Variants in ZNF704 observed in about 807,000 individuals in gnomAD.
ZNF704 encodes the protein glucocorticoid induced gene 1.
ZNF704 carries 10 observed loss-of-function variants against 44.7 expected under a neutral mutation model. The observed-to-expected ratio is 0.22, with a 90% CI of 0.14 to 0.38. The LOEUF (loss-of-function observed/expected upper bound fraction) is 0.38, where lower values mean the gene tolerates loss of function less well. Ranked by LOEUF, ZNF704 falls within the 10% of genes least tolerant of loss-of-function variation. The pLI is 1.00. For missense variants in ZNF704, 390 were observed against 545.5 expected, an observed-to-expected ratio of 0.71 and a Z score of 2.84; for synonymous variants, 211 against 207.6, an observed-to-expected ratio of 1.02 and a Z score of -0.14.
At chr8:80,814,680 A>G (rs1336744957) in intron 2 of ZNF704, among the ~76,000 whole-genome samples, 1 of 152,214 alleles carries the variant, frequency 6.6e-6, no homozygotes, top group Non-Finnish European at 1.5e-5. Flanking sequence ...ATTTTTTAAA[A>G]AGAAATGTTC....
chr8:80,725,805 G>A (rs1806469482), intron 2 of ZNF704, among the ~76,000 whole-genome samples: 1 of 152,192 alleles, frequency 6.6e-6, no homozygotes, highest in Non-Finnish European at 1.5e-5. Context: ...GCCATACAGA[G>A]CTTGCCCTTA....
chr8:80,825,069 T>A (rs1808348198), intron 1 of ZNF704, among the ~76,000 whole-genome samples: 1 of 152,078 alleles, frequency 6.6e-6, no homozygotes, highest in African/African-American at 2.4e-5. Flanking sequence ...AATTCACACA[T>A]AACAATATTA....
chr8:80,810,074 T>G (rs980440394), intron 2 of ZNF704, among the ~76,000 whole-genome samples: 1 of 152,212 alleles, frequency 6.6e-6, no homozygotes, highest in Non-Finnish European at 1.5e-5. Flanking sequence ...CAATTACTTC[T>G]TTCAGATTTC....
At chr8:80,742,555 T>G (rs549941902) in intron 2 of ZNF704, among the ~76,000 whole-genome samples, 132 of 152,160 alleles carry the variant, frequency 8.7e-4, no homozygotes, top group African/African-American at 1.7e-3. Flanking sequence ...CACTGCAGGG[T>G]ATTATTTGAA....
At chr8:80,813,047 T>G (rs1255073846) in intron 2 of ZNF704, among the ~76,000 whole-genome samples, 1 of 152,214 alleles carries the variant, frequency 6.6e-6, no homozygotes, top group African/African-American at 2.4e-5. Flanking sequence ...GGCACGGGCA[T>G]CACAAAAGTG....
intron 2 of ZNF704, among the ~76,000 whole-genome samples, chr8:80,760,640 G>A (rs1807113414): frequency 1.5e-5 from 2 of 136,982 alleles, no homozygotes; most frequent in Non-Finnish European, 3.0e-5. Context: ...TGGTGACAGA[G>A]CGAGACTCCA....
the ZNF704 span, among the ~76,000 whole-genome samples, chr8:80,882,447 C>A: frequency 6.6e-6 from 1 of 152,046 alleles, no homozygotes; most frequent in Non-Finnish European, 1.5e-5. Flanking sequence ...TTGCCCATAA[C>A]CCTGATAGAA....
chr8:80,657,984 T>C (rs1292520902), intron 7 of ZNF704, among the ~76,000 whole-genome samples: 1 of 152,068 alleles, frequency 6.6e-6, no homozygotes, highest in African/African-American at 2.4e-5. Flanking sequence ...ACGAGTGATA[T>C]AAGGTATCCT....
chr8:80,767,728 C>T (rs1481862343), intron 2 of ZNF704, among the ~76,000 whole-genome samples: 2 of 152,136 alleles, frequency 1.3e-5, no homozygotes, highest in Admixed American at 6.5e-5. Flanking sequence ...TTAATCAATA[C>T]CCCAGGTGTT....
chr8:80,747,471 G>T (rs1439780978), intron 2 of ZNF704, among the ~76,000 whole-genome samples: 1 of 152,148 alleles, frequency 6.6e-6, no homozygotes, highest in Non-Finnish European at 1.5e-5. Context: ...TCTGAAAAAT[G>T]GAAGTAGGGA....
intron 4 of ZNF704, among the ~76,000 whole-genome samples, chr8:80,681,134 G>C (rs946877115): frequency 6.6e-6 from 1 of 152,108 alleles, no homozygotes; most frequent in Admixed American, 6.6e-5. Context: ...GGGCATTTGG[G>C]TTGTTTCCAG....
rs767751018 is a variant in ZNF704, at chr8:80,641,472, G to A, written c.1133C>T (p.Pro378Leu). The change falls in exon 9 of 9, where the codon CCC becomes CTC. Residue 378 changes from proline (P) to leucine (L), a missense_variant. Coordinates refer to ENST00000327835, the MANE Select transcript of ZNF704 (RefSeq NM_001033723.3). Reference protein sequence around the residue: ...PPRGTVSLRKPRGEGKKCRKV... With the variant: ...PPRGTVSLRKLRGEGKKCRKV... Reference sequence around the variant, plus strand: ...CCGACACTTTTTGCCCTCTCCCCTGGGCTTCCTGTAAGACAGACGAGGAAG... The same window carrying A: ...CCGACACTTTTTGCCCTCTCCCCTGAGCTTCCTGTAAGACAGACGAGGAAG... 2 of 1,611,454 alleles carry A rather than the reference G, an allele frequency of 1.2e-6. No individual in the cohort carries two copies. Among genetic ancestry groups the A allele is most frequent in the African/African-American group, 2.7e-5 (2 of 74,756 alleles).
At chr8:80,699,827 C>T (rs1337519662) in intron 2 of ZNF704, among the ~76,000 whole-genome samples, 1 of 149,746 alleles carries the variant, frequency 6.7e-6, no homozygotes, top group African/African-American at 2.5e-5. Flanking sequence ...TCTACAACTT[C>T]TCTCCCCACC....
At position 80,848,864 on chromosome 8, in the gene ZNF704, A is replaced by G. The variant is rs1020841167; in HGVS notation, c.-22+25707T>C. Among the ~76,000 whole-genome samples, 5 of 152,330 alleles carry G rather than the reference A, an allele frequency of 3.3e-5. No individual in the cohort carries two copies. In the East Asian group the frequency reaches 9.6e-4, roughly 29 times the overall value. On this transcript the variant is annotated intron_variant, in intron 1 of 8. Coordinates refer to ENST00000327835, the MANE Select transcript of ZNF704 (RefSeq NM_001033723.3). ...ACCCCCTTTTACAGGTAAATCAATA[A>G]AGGCACAAGCAGTAAAAGAACTTGC...
Position 80,861,991 on chromosome 8 carries a change from C to CTTTTTTTTTTTTTTTTT in ZNF704, c.-22+12563_-22+12579dup, listed in dbSNP as rs71266093. ...GTTGAACAAGATAGAAAAAAATAAC[C>CTTTTTTTTTTTTTTTTT]TTTTTTTTTTTTTTTTTTTTTTTTT... is the stretch of plus-strand genomic sequence containing the variant. On this transcript the variant is annotated intron_variant, in intron 1 of 8. Transcript: ENST00000327835. 4.3e-5 allele frequency among the ~76,000 whole-genome samples: 4 copies of CTTTTTTTTTTTTTTTTT among 92,996 alleles called. 1 individual carries two copies. The highest frequency in any genetic ancestry group is 2.2e-4 in the African/African-American group (4 of 18,556). 61.0% of individuals were successfully genotyped at this position (92,996 alleles called of 152,430 possible).
intron 3 of ZNF704, among the ~76,000 whole-genome samples, chr8:80,692,073 C>A (rs1193163190): frequency 6.6e-6 from 1 of 152,098 alleles, no homozygotes; most frequent in Non-Finnish European, 1.5e-5. Flanking sequence ...GTGCTAGAAT[C>A]ACTTTAATAG....
intron 1 of ZNF704, among the ~76,000 whole-genome samples, chr8:80,867,421 G>A (rs1809173504): frequency 6.6e-6 from 1 of 152,108 alleles, no homozygotes; most frequent in Admixed American, 6.5e-5. Context: ...AACCAACCCA[G>A]AACTGAGGAC....
intron 2 of ZNF704, among the ~76,000 whole-genome samples, chr8:80,791,023 G>A (rs1807697142): frequency 6.6e-6 from 1 of 152,088 alleles, no homozygotes; most frequent in Admixed American, 6.6e-5. Flanking sequence ...ATTAACTTGG[G>A]GTGAGGGAGA....
At chr8:80,717,187 A>G (rs965949018) in intron 2 of ZNF704, among the ~76,000 whole-genome samples, 13 of 152,248 alleles carry the variant, frequency 8.5e-5, no homozygotes, top group African/African-American at 2.7e-4. Context: ...TGGTCATTGC[A>G]TCAACAGCAG....
Sources: allele counts gnomAD v4.1 joint callset (sites outside exome capture counted in the v4.1 genomes callset), GRCh38; gene constraint gnomAD v4.1.1; transcripts MANE v1.5; gene names NCBI Gene and HGNC (gene_info 2026-07-23, HGNC 2026-07-21).